The following SLC6A6 variants were observed in gnomAD, a reference collection of about 807,000 sequenced individuals.
SLC6A6 encodes sodium- and chloride-dependent taurine transporter.
Under a neutral mutation model 68.8 loss-of-function variants are expected in SLC6A6, and 16 were observed. The observed-to-expected ratio is 0.23, with a 90% CI of 0.16 to 0.35. SLC6A6 has a LOEUF of 0.35. Among genes scored for constraint, SLC6A6 ranks in the 10% least tolerant of loss-of-function variants. The probability of loss-of-function intolerance (pLI) is 1.00; values close to 1 mark genes in which losing one functional copy is unlikely to be tolerated. For missense variants in SLC6A6, 474 were observed against 802.8 expected (o/e 0.59, Z 4.95); for synonymous variants, 312 against 315.4 (o/e 0.99, Z 0.12).
At chr3:14,466,445 C>A in intron 6 of SLC6A6, 71 bp from the exon 7 acceptor site, 1 of 1,535,102 alleles carries the variant, frequency 6.5e-7, no homozygotes, top group Non-Finnish European at 8.8e-7. Context: ...CTCTGCCTCT[C>A]TGAGAGGATG....
At chr3:14,447,095 A>C (rs1013093101) in intron 4 of SLC6A6, among the ~76,000 whole-genome samples, 3 of 152,122 alleles carry the variant, frequency 2.0e-5, no homozygotes, top group African/African-American at 7.2e-5. Context: ...CTATGCAACA[A>C]ATGGATATCT....
At chr3:14,458,154 G>A (rs1198676712) in intron 6 of SLC6A6, 72 bp downstream of exon 6, 16 of 1,414,790 alleles carry the variant, frequency 1.1e-5, no homozygotes, top group African/African-American at 2.8e-5. Flanking sequence ...CCCACTTCCC[G>A]CCTGCAATTA....
In SLC6A6 at chr3:14,466,555, C is replaced by T; in HGVS notation, c.772C>T (p.Leu258=). ...FTATFPFAML[L]VLLVRGLTLP... ...AGCCACTTTTCCATTCGCCATGCTCCTGGTGCTGCTGGTCCGAGGGCTGAC... is the reference window on the plus strand; with the variant it reads ...AGCCACTTTTCCATTCGCCATGCTCTTGGTGCTGCTGGTCCGAGGGCTGAC... The change falls in exon 7 of 15, where the codon CTG becomes TTG. Residue 258 remains leucine (L), a synonymous_variant. Transcript: ENST00000622186. 1 of 1,613,396 alleles carries T rather than the reference C, an allele frequency of 6.2e-7. No homozygotes were observed. Among genetic ancestry groups the T allele is most frequent in the African/African-American group, 1.3e-5 (1 of 75,054 alleles).
chr3:14,467,704 C>G, intron 7 of SLC6A6, 149 bp from the exon 8 acceptor site: 1 of 603,934 alleles, frequency 1.7e-6, no homozygotes. Flanking sequence ...TTGAAAGGCA[C>G]CTTGGATTCG....
chr3:14,425,053 G>A (rs1269729830), intron 2 of SLC6A6, among the ~76,000 whole-genome samples: 2 of 152,204 alleles, frequency 1.3e-5, no homozygotes, highest in African/African-American at 2.4e-5. Context: ...AAGGTCAAGT[G>A]TTGGTTGAAC....
intron 4 of SLC6A6, 152 bp from the exon 5 acceptor site, chr3:14,447,430 A>G (rs1700151110): frequency 1.1e-6 from 1 of 901,048 alleles, no homozygotes; most frequent in Non-Finnish European, 1.7e-6. Context: ...TCAACCAGCC[A>G]TCCATTCACC....
At chr3:14,445,310 A>G (rs890119065) in intron 3 of SLC6A6, among the ~76,000 whole-genome samples, 2 of 151,786 alleles carry the variant, frequency 1.3e-5, no homozygotes, top group Non-Finnish European at 2.9e-5. Context: ...AGTCCCAGCT[A>G]CTCGGGAGGC....
At chr3:14,419,369 T>C (rs1461834420) in intron 2 of SLC6A6, among the ~76,000 whole-genome samples, 5 of 152,336 alleles carry the variant, frequency 3.3e-5, no homozygotes, top group South Asian at 4.1e-4. Context: ...ACTTGAGGGC[T>C]CTGACCTTCA....
intron 6 of SLC6A6, among the ~76,000 whole-genome samples, chr3:14,458,581 G>A (rs1298315559): frequency 6.6e-6 from 1 of 152,228 alleles, no homozygotes; most frequent in Non-Finnish European, 1.5e-5. Flanking sequence ...AGGGAGCTTC[G>A]TGGGCCTGCC....
chr3:14,482,392 C>A (rs922071746), intron 14 of SLC6A6, among the ~76,000 whole-genome samples: 1 of 152,220 alleles, frequency 6.6e-6, no homozygotes, highest in African/African-American at 2.4e-5. Flanking sequence ...GCTGGGGCCT[C>A]CCCTGGCCCC....
chr3:14,448,148 AT>A, intron 5 of SLC6A6: 3 of 968,238 alleles, frequency 3.1e-6, no homozygotes, highest in Non-Finnish European at 3.9e-6. Flanking sequence ...TTCTTAATGT[AT>A]TTTAGGAAAA....
intron 6 of SLC6A6, among the ~76,000 whole-genome samples, chr3:14,459,623 A>G (rs1485899203): frequency 1.3e-5 from 2 of 152,090 alleles, no homozygotes; most frequent in African/African-American, 4.8e-5. Flanking sequence ...GGACATGGGT[A>G]ACTCCTGCAC....
At chr3:14,437,666 A>C (rs1699888166) in intron 2 of SLC6A6, among the ~76,000 whole-genome samples, 1 of 152,128 alleles carries the variant, frequency 6.6e-6, no homozygotes, top group African/African-American at 2.4e-5. Context: ...ACAATATGTT[A>C]TTAATTTTAA....
At chr3:14,409,630 G>A (rs1456309831) in intron 1 of SLC6A6, among the ~76,000 whole-genome samples, 1 of 152,234 alleles carries the variant, frequency 6.6e-6, no homozygotes, top group Non-Finnish European at 1.5e-5. Context: ...GGAATACACA[G>A]CACCTGTGCT....
At chr3:14,476,905 G>A (rs1332818595) in intron 10 of SLC6A6, among the ~76,000 whole-genome samples, 1 of 152,222 alleles carries the variant, frequency 6.6e-6, no homozygotes, top group Non-Finnish European at 1.5e-5. Flanking sequence ...ATGGGGAAAG[G>A]CATTCTGGTG....
At chr3:14,452,858 C>T in intron 5 of SLC6A6, among the ~76,000 whole-genome samples, 1 of 152,228 alleles carries the variant, frequency 6.6e-6, no homozygotes, top group South Asian at 2.1e-4. Flanking sequence ...CAAGGTCGCC[C>T]TGGAGGACAG....
rs141555585 is a variant in SLC6A6, at chr3:14,418,596, T to A, written c.-12+2143T>A. Among the ~76,000 whole-genome samples, 1,407 of 152,360 alleles carry A rather than the reference T, an allele frequency of 9.2e-3. 24 individuals are homozygous for A. The highest frequency in any genetic ancestry group is 0.032 in the African/African-American group (1,329 of 41,566). ...AATAATAATGATTGCTACCGCTTCC[T>A]GGACTCAGCATGCTCATATACTGCC... is the stretch of plus-strand genomic sequence containing the variant. On this transcript the variant is annotated intron_variant, in intron 2 of 14. Transcript: ENST00000622186.
chr3:14,433,550 T>C (rs2341971), intron 2 of SLC6A6, among the ~76,000 whole-genome samples: 35,056 of 151,924 alleles, frequency 0.23, 4,355 homozygotes, highest in Admixed American at 0.29. Context: ...ATCTATAATC[T>C]CAGCACTTTG....
chr3:14,431,685 G>A (rs1393559414), intron 2 of SLC6A6, among the ~76,000 whole-genome samples: 1 of 152,124 alleles, frequency 6.6e-6, no homozygotes, highest in African/African-American at 2.4e-5. Flanking sequence ...GAACACAGTG[G>A]GCACCGGTGA....
Sources: gnomAD v4.1 joint callset for allele counts (sites outside exome capture counted in the v4.1 genomes callset) on GRCh38, gnomAD v4.1.1 for gene constraint, MANE v1.5 for transcripts, NCBI Gene and HGNC (gene_info 2026-07-23, HGNC 2026-07-21) for gene names.